CCSER1: variants seen among roughly 807,000 people sequenced by gnomAD.
CCSER1 encodes serine-rich coiled-coil domain-containing protein 1.
CCSER1 carries 41 observed loss-of-function variants against 82.0 expected under a neutral mutation model. That is an observed-to-expected ratio of 0.50 (90% confidence interval 0.39 to 0.65). CCSER1 has a LOEUF of 0.65. CCSER1 is among the 30% of genes least tolerant of loss of function. The probability of loss-of-function intolerance (pLI) is 0.00; values close to 1 mark genes in which losing one functional copy is unlikely to be tolerated. For synonymous variants in CCSER1, 414 were observed against 383.9 expected (o/e 1.08, Z -0.92); for missense variants, 1,119 against 1,064.2 (o/e 1.05, Z -0.72).
At chr4:91,183,714 T>C (rs1439583679) in intron 10 of CCSER1, among the ~76,000 whole-genome samples, 3 of 152,208 alleles carry the variant, frequency 2.0e-5, no homozygotes, top group Non-Finnish European at 4.4e-5. Flanking sequence ...AGTAGGTGAA[T>C]GCTGAGTTGA....
At chr4:90,631,317 G>A (rs958341938) in intron 6 of CCSER1, among the ~76,000 whole-genome samples, 40 of 152,076 alleles carry the variant, frequency 2.6e-4, no homozygotes, top group African/African-American at 9.4e-4. Context: ...TGTTACATGA[G>A]TATTGCATTT....
At chr4:90,484,587 A>C (rs1425648646) in intron 5 of CCSER1, among the ~76,000 whole-genome samples, 1 of 152,074 alleles carries the variant, frequency 6.6e-6, no homozygotes, top group East Asian at 1.9e-4. Context: ...TTTTCCTTCT[A>C]ACAGTCAGGA....
intron 9 of CCSER1, among the ~76,000 whole-genome samples, chr4:90,989,839 TAGAG>T (rs1170751510): frequency 1.3e-5 from 2 of 151,216 alleles, no homozygotes; most frequent in Non-Finnish European, 3.0e-5. Context: ...GAGATAGAAT[TAGAG>T]AGAGAGAAAG....
At chr4:91,283,384 G>A (rs1743059798) in intron 10 of CCSER1, among the ~76,000 whole-genome samples, 1 of 151,936 alleles carries the variant, frequency 6.6e-6, no homozygotes, top group Non-Finnish European at 1.5e-5. Context: ...TATAGTATTT[G>A]AGGTAGAAAA....
intron 5 of CCSER1, among the ~76,000 whole-genome samples, chr4:90,627,295 T>C (rs1296783017): frequency 6.6e-6 from 1 of 152,124 alleles, no homozygotes; most frequent in Admixed American, 6.5e-5. Context: ...AATTAAAATA[T>C]ATTTTCTTAT....
intron 10 of CCSER1, among the ~76,000 whole-genome samples, chr4:91,187,391 CG>C (rs1278447343): frequency 6.6e-6 from 1 of 151,894 alleles, no homozygotes; most frequent in African/African-American, 2.4e-5. Context: ...TCAAAATTGC[CG>C]TCCAAATAAA....
At chr4:90,446,501 C>G (rs569353223) in intron 4 of CCSER1, among the ~76,000 whole-genome samples, 1 of 151,892 alleles carries the variant, frequency 6.6e-6, no homozygotes, top group Non-Finnish European at 1.5e-5. Context: ...GATACTTATT[C>G]TTTTTATTTT....
intron 10 of CCSER1, among the ~76,000 whole-genome samples, chr4:91,185,815 A>T (rs1298452652): frequency 1.3e-5 from 2 of 152,158 alleles, no homozygotes; most frequent in Non-Finnish European, 2.9e-5. Context: ...CCACAGTTAA[A>T]ACAAGCTCCA....
intron 10 of CCSER1, among the ~76,000 whole-genome samples, chr4:91,168,259 A>G (rs13142533): frequency 0.72 from 85,243 of 119,008 alleles, 29,180 homozygotes; most frequent in Non-Finnish European, 0.77. Flanking sequence ...GCTGCCCATC[A>G]TCTGGGAAGT....
At chr4:90,777,535 G>A (rs1042645922) in intron 7 of CCSER1, among the ~76,000 whole-genome samples, 1 of 152,014 alleles carries the variant, frequency 6.6e-6, no homozygotes, top group Admixed American at 6.6e-5. Context: ...ATGTCAGAAT[G>A]TACAGGTTCA....
At chr4:90,963,292 A>G (rs1035302829) in intron 9 of CCSER1, among the ~76,000 whole-genome samples, 16 of 152,160 alleles carry the variant, frequency 1.1e-4, no homozygotes, top group Non-Finnish European at 1.8e-4. Context: ...GAATCCCAAA[A>G]CTAGGTTCCT....
At chr4:90,583,956 A>G (rs904451521) in intron 5 of CCSER1, among the ~76,000 whole-genome samples, 1 of 152,148 alleles carries the variant, frequency 6.6e-6, no homozygotes, top group Non-Finnish European at 1.5e-5. Context: ...ATAATATAAA[A>G]GGTACAATTT....
intron 10 of CCSER1, among the ~76,000 whole-genome samples, chr4:91,222,252 C>T (rs62311969): frequency 0.057 from 8,660 of 151,044 alleles, 489 homozygotes; most frequent in African/African-American, 0.14. Context: ...CCGAGAGAGG[C>T]GTATTCCAGA....
intron 10 of CCSER1, among the ~76,000 whole-genome samples, chr4:91,169,956 G>A (rs543799327): frequency 1.3e-5 from 2 of 152,128 alleles, no homozygotes; most frequent in African/African-American, 4.8e-5. Context: ...TCCCACTGTT[G>A]TAGTCACTAT....
chr4:91,420,966 T>A (rs1035451680), intron 10 of CCSER1, among the ~76,000 whole-genome samples: 13 of 152,102 alleles, frequency 8.5e-5, no homozygotes, highest in Admixed American at 8.5e-4. Flanking sequence ...GAAAAACAAA[T>A]CCTGTGTGAT....
chr4:90,361,177 G>C (rs2153518490), intron 3 of CCSER1, among the ~76,000 whole-genome samples: 1 of 152,216 alleles, frequency 6.6e-6, no homozygotes, highest in East Asian at 1.9e-4. Context: ...ATATACGATG[G>C]TTTCTATAGT....
At chr4:91,173,314 G>A (rs1468597595) in intron 10 of CCSER1, among the ~76,000 whole-genome samples, 2 of 152,252 alleles carry the variant, frequency 1.3e-5, no homozygotes, top group South Asian at 4.1e-4. Flanking sequence ...CATAAGAGGG[G>A]CCAGGCGCAG....
chr4:91,575,657 A>T (rs1001773184), intron 10 of CCSER1, among the ~76,000 whole-genome samples: 1 of 152,020 alleles, frequency 6.6e-6, no homozygotes, highest in Non-Finnish European at 1.5e-5. Context: ...GGAATTACAA[A>T]AGATGAAAAA....
intron 8 of CCSER1, among the ~76,000 whole-genome samples, chr4:90,897,897 G>A (rs943932047): frequency 6.6e-6 from 1 of 151,952 alleles, no homozygotes; most frequent in Admixed American, 6.6e-5. Context: ...ATGTTTGTTG[G>A]CAACTTGTAT....
Sources: gnomAD v4.1 joint callset for allele counts (sites outside exome capture counted in the v4.1 genomes callset) on GRCh38, gnomAD v4.1.1 for gene constraint, MANE v1.5 for transcripts, NCBI Gene and HGNC (gene_info 2026-07-23, HGNC 2026-07-21) for gene names.